Variants in IMMP1L observed in about 807,000 individuals in gnomAD.
The protein encoded by IMMP1L is inner mitochondrial membrane peptidase subunit 1, also known as mitochondrial inner membrane protease subunit 1.
A neutral mutation model predicts 21.8 loss-of-function variants in IMMP1L; 24 were observed. That is an observed-to-expected ratio of 1.10 (90% confidence interval 0.80 to 1.55). The LOEUF (loss-of-function observed/expected upper bound fraction) is 1.55, where lower values mean the gene tolerates loss of function less well. Among genes scored for constraint, IMMP1L ranks in the 40% most tolerant of loss-of-function variants. The pLI is 0.00. For synonymous variants in IMMP1L, 46 were observed against 62.8 expected (o/e 0.73, Z 1.26); for missense variants, 195 against 200.7 (o/e 0.97, Z 0.17).
At chr11:31,433,221 A>C (rs1489228805) in intron 5 of IMMP1L, among the ~76,000 whole-genome samples, 1 of 152,184 alleles carries the variant, frequency 6.6e-6, no homozygotes, top group Non-Finnish European at 1.5e-5. Context: ...GGAAATTCAA[A>C]TTAAAGTTTT....
chr11:31,487,768 C>A (rs1955132211), intron 1 of IMMP1L, among the ~76,000 whole-genome samples: 1 of 152,258 alleles, frequency 6.6e-6, no homozygotes. Flanking sequence ...AGGTTCACCA[C>A]CTAGAAGCAT....
chr11:31,481,383 A>C (rs1319099783), intron 1 of IMMP1L, among the ~76,000 whole-genome samples: 1 of 152,124 alleles, frequency 6.6e-6, no homozygotes, highest in Non-Finnish European at 1.5e-5. Flanking sequence ...TTGATGCTTT[A>C]AACTAAAAAA....
intron 4 of IMMP1L, among the ~76,000 whole-genome samples, chr11:31,441,878 C>G (rs1424799385): frequency 6.6e-6 from 1 of 151,780 alleles, no homozygotes; most frequent in Non-Finnish European, 1.5e-5. Context: ...TACAAATGGC[C>G]CAAAATGGAA....
chr11:31,485,732 A>G (rs1052040608), intron 1 of IMMP1L, among the ~76,000 whole-genome samples: 18 of 151,902 alleles, frequency 1.2e-4, no homozygotes, highest in Admixed American at 5.3e-4. Flanking sequence ...AACAAATGAG[A>G]AAACACATCA....
At chr11:31,484,459 T>G (rs545235927) in intron 1 of IMMP1L, among the ~76,000 whole-genome samples, 1 of 152,110 alleles carries the variant, frequency 6.6e-6, no homozygotes, top group East Asian at 1.9e-4. Context: ...TCCACTTTTT[T>G]TAACAGCTGT....
Position 31,433,555 on chromosome 11 carries a change from C to A in IMMP1L, c.337G>T (p.Val113Phe). 3 of 1,610,146 alleles carry A rather than the reference C, an allele frequency of 1.9e-6. No individual in the cohort carries two copies. The highest frequency in any genetic ancestry group is 2.5e-6 in the Non-Finnish European group (3 of 1,177,390). Reference sequence around the variant, plus strand: ...TGTAGATTGTCACCTTCTAACCAAACATGACCCATTGGCACCTAGAATTAG... The same window carrying A: ...TGTAGATTGTCACCTTCTAACCAAAAATGACCCATTGGCACCTAGAATTAG... The part of the protein sequence containing the change: ...KSHSYVPMGH[V>F]WLEGDNLQNS... Residue 113 changes from valine to phenylalanine, a missense_variant, in exon 5 of 6, where the codon GTT (valine) becomes TTT (phenylalanine). Transcript: ENST00000532287.
At chr11:31,460,053 G>A (rs1177600517) in intron 3 of IMMP1L, among the ~76,000 whole-genome samples, 1 of 151,980 alleles carries the variant, frequency 6.6e-6, no homozygotes, top group African/African-American at 2.4e-5. Context: ...AGCTACTTGG[G>A]AGACTAAGGG....
intron 1 of IMMP1L, among the ~76,000 whole-genome samples, chr11:31,472,350 C>T (rs530669104): frequency 2.6e-5 from 4 of 152,274 alleles, no homozygotes; most frequent in South Asian, 2.1e-4. Context: ...TGGTCAAATA[C>T]AAGACTTATT....
At chr11:31,483,057 CA>C (rs1474603344) in intron 1 of IMMP1L, among the ~76,000 whole-genome samples, 3 of 151,738 alleles carry the variant, frequency 2.0e-5, no homozygotes, top group Admixed American at 1.3e-4. Context: ...ATCAGACACA[CA>C]AAAAATGATA....
intron 1 of IMMP1L, among the ~76,000 whole-genome samples, chr11:31,504,512 T>C (rs373351766): frequency 3.3e-5 from 5 of 152,116 alleles, no homozygotes; most frequent in African/African-American, 9.7e-5. Context: ...CCTCTGAGAA[T>C]AGCTGAAATG....
At chr11:31,497,460 C>CTTTT (rs796666845) in intron 1 of IMMP1L, among the ~76,000 whole-genome samples, 7 of 123,994 alleles carry the variant, frequency 5.6e-5, no homozygotes, top group African/African-American at 9.3e-5. Context: ...TATTTCTTTT[C>CTTTT]TTTTTTTTTT....
At chr11:31,471,954 T>C (rs1254720599) in intron 1 of IMMP1L, among the ~76,000 whole-genome samples, 8 of 152,200 alleles carry the variant, frequency 5.3e-5, no homozygotes, top group Admixed American at 5.2e-4. Context: ...CTTTCCCAAC[T>C]TCTAGAAGCA....
chr11:31,472,862 A>T (rs1001787264), intron 1 of IMMP1L, among the ~76,000 whole-genome samples: 5 of 150,618 alleles, frequency 3.3e-5, no homozygotes, highest in African/African-American at 4.8e-5. Flanking sequence ...TTTATTTTTT[A>T]TTTATTTATT....
At chr11:31,508,662 T>C (rs1955872209) in intron 1 of IMMP1L, among the ~76,000 whole-genome samples, 1 of 152,170 alleles carries the variant, frequency 6.6e-6, no homozygotes, top group African/African-American at 2.4e-5. Flanking sequence ...TTCAATGAGG[T>C]TTGGCTCTAA....
At position 31,450,961 on chromosome 11, in the gene IMMP1L, G is replaced by A. The variant is rs140501010; in HGVS notation, c.321+5299C>T. ...CAAGAATCTTATGCTCTAGATCAGGGGGTCAGCAAACTTTTCCTGAAAAGG... is the reference window on the plus strand; with the variant it reads ...CAAGAATCTTATGCTCTAGATCAGGAGGTCAGCAAACTTTTCCTGAAAAGG... On this transcript the variant is annotated intron_variant, in intron 4 of 5. Transcript: ENST00000532287. 1.1e-4 allele frequency among the ~76,000 whole-genome samples: 16 copies of A among 152,134 alleles called. No homozygotes were observed. In the East Asian group the frequency reaches 2.3e-3, roughly 22 times the overall value.
At chr11:31,485,362 C>T (rs1408740888) in intron 1 of IMMP1L, among the ~76,000 whole-genome samples, 1 of 151,742 alleles carries the variant, frequency 6.6e-6, no homozygotes, top group Non-Finnish European at 1.5e-5. Flanking sequence ...TTCAATAATC[C>T]TACAACTGTT....
Position 31,487,209 on chromosome 11 carries a change from T to C in IMMP1L, c.-30+22310A>G, listed in dbSNP as rs1955110011. Among the ~76,000 whole-genome samples, 4 of 152,126 alleles carry C rather than the reference T, an allele frequency of 2.6e-5. No homozygotes were observed. In the South Asian group the frequency reaches 8.3e-4, roughly 32 times the overall value. Reference sequence around the variant, plus strand: ...TCTAATTTTTAATGCAATATTTTAATAAGGAAGAAATAAGTTACTATGCCT... The same window carrying C: ...TCTAATTTTTAATGCAATATTTTAACAAGGAAGAAATAAGTTACTATGCCT... On this transcript the variant is annotated intron_variant, in intron 1 of 5. Transcript: ENST00000532287.
chr11:31,464,232 A>G (rs1472825030), intron 1 of IMMP1L, among the ~76,000 whole-genome samples: 2 of 152,088 alleles, frequency 1.3e-5, no homozygotes, highest in Non-Finnish European at 2.9e-5. Context: ...AAGAAAAAAA[A>G]AGCCTAAGAG....
intron 1 of IMMP1L, among the ~76,000 whole-genome samples, chr11:31,498,103 A>T (rs1425008574): frequency 6.6e-6 from 1 of 152,214 alleles, no homozygotes; most frequent in African/African-American, 2.4e-5. Context: ...TAATAGAAAA[A>T]ACATAATTTG....
Sources: allele counts gnomAD v4.1 joint callset (sites outside exome capture counted in the v4.1 genomes callset), GRCh38; gene constraint gnomAD v4.1.1; transcripts MANE v1.5; gene names NCBI Gene and HGNC (gene_info 2026-07-23, HGNC 2026-07-21).